The following AHR variants were observed in gnomAD, a reference collection of about 807,000 sequenced individuals.
AHR encodes the protein aryl hydrocarbon receptor, also known as AH-receptor.
A neutral mutation model predicts 86.8 loss-of-function variants in AHR; 40 were observed. The observed-to-expected ratio is 0.46, with a 90% CI of 0.36 to 0.60. The LOEUF (loss-of-function observed/expected upper bound fraction) is 0.60, where lower values mean the gene tolerates loss of function less well. AHR is among the 20% of genes least tolerant of loss of function. The pLI, the probability that AHR is intolerant of heterozygous loss-of-function variation, is 0.00. For synonymous variants in AHR, 398 were observed against 354.9 expected (o/e 1.12, Z -1.37); for missense variants, 1,001 against 1,011.6 (o/e 0.99, Z 0.14).
At chr7:17,337,854 CCTCT>C (rs906485804) in intron 9 of AHR, among the ~76,000 whole-genome samples, 1 of 151,896 alleles carries the variant, frequency 6.6e-6, no homozygotes, top group Non-Finnish European at 1.5e-5. Flanking sequence ...GAGTTGTTTG[CCTCT>C]CTCTCAGACT....
At chr7:17,313,129 AG>A (rs1432550578) in intron 2 of AHR, among the ~76,000 whole-genome samples, 1 of 152,112 alleles carries the variant, frequency 6.6e-6, no homozygotes, top group Non-Finnish European at 1.5e-5. Flanking sequence ...GAAAATAATA[AG>A]GTTTTTTTTT....
At chr7:17,308,961 A>T (rs1782034056) in intron 1 of AHR, among the ~76,000 whole-genome samples, 1 of 152,170 alleles carries the variant, frequency 6.6e-6, no homozygotes, top group Admixed American at 6.5e-5. Context: ...CTAGATAATT[A>T]CTCTTCTGGC....
chr7:17,319,609 A>C (rs1782149415), intron 2 of AHR, among the ~76,000 whole-genome samples: 1 of 152,134 alleles, frequency 6.6e-6, no homozygotes, highest in Admixed American at 6.6e-5. Flanking sequence ...ACATATGAGT[A>C]CTAAGTAAGG....
At chr7:17,304,816 A>C (rs1781988886) in intron 1 of AHR, among the ~76,000 whole-genome samples, 1 of 152,146 alleles carries the variant, frequency 6.6e-6, no homozygotes, top group Non-Finnish European at 1.5e-5. Flanking sequence ...GAGATGTACT[A>C]ATTTAACAAT....
intron 2 of AHR, among the ~76,000 whole-genome samples, chr7:17,320,843 C>T (rs555731778): frequency 6.6e-6 from 1 of 152,184 alleles, no homozygotes; most frequent in African/African-American, 2.4e-5. Context: ...GTTCTCTGGC[C>T]TTTTGAAGTT....
At position 17,345,435 on chromosome 7, in the gene AHR, T is replaced by C. The variant is rs1222675321; in HGVS notation, c.*2371T>C. ...ATTTTCAGTCAAAACTTTAAACCTGTAGAATCAATTTAAGTGTTGGAAAAA... is the reference window on the plus strand; with the variant it reads ...ATTTTCAGTCAAAACTTTAAACCTGCAGAATCAATTTAAGTGTTGGAAAAA... On this transcript the variant is annotated 3_prime_UTR_variant, in exon 11 of 11. Coordinates refer to ENST00000242057, the MANE Select transcript of AHR (RefSeq NM_001621.5). 1.3e-5 allele frequency: 2 copies of C among 152,648 alleles called. No homozygotes were observed. Among genetic ancestry groups the C allele is most frequent in the African/African-American group, 4.8e-5 (2 of 41,452 alleles). 9.5% of individuals were successfully genotyped at this position (152,648 alleles called of 1,614,324 possible).
intron 4 of AHR, among the ~76,000 whole-genome samples, chr7:17,328,942 A>G (rs553417003): frequency 1.3e-5 from 2 of 152,102 alleles, no homozygotes; most frequent in South Asian, 4.1e-4. Flanking sequence ...TGCATTCTAA[A>G]GAAAATACAT....
intron 9 of AHR, among the ~76,000 whole-genome samples, chr7:17,338,268 GC>G: frequency 1.7e-5 from 1 of 60,286 alleles, no homozygotes; most frequent in Admixed American, 1.3e-4. Context: ...ATATTATTAT[GC>G]CAATCTGTCT....
intron 1 of AHR, among the ~76,000 whole-genome samples, chr7:17,307,444 A>C (rs191378472): frequency 2.6e-5 from 4 of 152,176 alleles, no homozygotes; most frequent in Non-Finnish European, 5.9e-5. Flanking sequence ...AAAGTGATCT[A>C]CTTGAGCGGG....
rs777839731 is a variant in AHR at position 17,329,965 on chromosome 7, A to G, written c.464A>G (p.His155Arg). The stretch of plus-strand genomic sequence containing the variant: ...TTTTTTCTTTAGTCTGATGTCATAC[A>G]TCAGAGTGTATATGAACTTATCCAT... ...YLGFQQSDVI[H>R]QSVYELIHTE... Residue 155 changes from histidine (H) to arginine (R), a missense_variant, in exon 5 of 11, where the codon CAT (histidine) becomes CGT (arginine). By Grantham distance (29) the His-to-Arg change is conservative. Transcript: ENST00000242057. 11 of 1,609,566 alleles carry G rather than the reference A, an allele frequency of 6.8e-6. No homozygotes were observed. Among genetic ancestry groups the G allele is most frequent in the African/African-American group, 2.7e-5 (2 of 74,864 alleles).
intron 1 of AHR, among the ~76,000 whole-genome samples, chr7:17,301,830 G>A (rs890939051): frequency 2.6e-5 from 4 of 151,854 alleles, no homozygotes; most frequent in African/African-American, 9.7e-5. Context: ...GGAAATTAAA[G>A]GCTCTGAAGC....
At position 17,339,829 on chromosome 7, in the gene AHR, C is replaced by G. The variant is rs1318083010; in HGVS notation, c.2004C>G (p.Asp668Glu). Residue 668 changes from aspartate to glutamate, a missense_variant, in exon 10 of 11, where the codon GAC (aspartate) becomes GAG (glutamate). Asp to Glu is a conservative substitution (Grantham distance 45). This residue lies in a region of AHR where 607 missense variants were observed against 543.1 expected (regional missense o/e 1.12). Coordinates refer to ENST00000242057, the MANE Select transcript of AHR (RefSeq NM_001621.5). ...QFVPFNCPQQDPQQYNVFTDL... is the reference protein window; with the variant it reads ...QFVPFNCPQQEPQQYNVFTDL... The stretch of plus-strand genomic sequence containing the variant: ...TGCCTTTCAATTGTCCACAGCAAGA[C>G]CCACAACAATATAATGTCTTTACAG... 2 of 1,614,188 alleles carry G rather than the reference C, an allele frequency of 1.2e-6. No individual in the cohort carries two copies. The highest frequency in any genetic ancestry group is 2.2e-5 in the East Asian group (1 of 44,884).
intron 1 of AHR, among the ~76,000 whole-genome samples, chr7:17,304,606 GACCCGA>G (rs1781987170): frequency 6.6e-6 from 1 of 152,056 alleles, no homozygotes; most frequent in African/African-American, 2.4e-5. Context: ...CTGTATTTAA[GACCCGA>G]TTTAGATGCC....
intron 10 of AHR, 27 bp downstream of exon 10, chr7:17,340,255 A>G (rs781668709): frequency 6.4e-7 from 1 of 1,555,206 alleles, no homozygotes. Flanking sequence ...ACTGAATTAA[A>G]TCTTTCAGTG....
At chr7:17,338,065 A>G (rs906215413) in intron 9 of AHR, among the ~76,000 whole-genome samples, 147 of 151,248 alleles carry the variant, frequency 9.7e-4, no homozygotes, top group Non-Finnish European at 1.5e-3. Context: ...CGGGCGTTGT[A>G]GCGGGCGCCT....
intron 10 of AHR, among the ~76,000 whole-genome samples, chr7:17,341,189 A>G (rs1383744539): frequency 1.3e-5 from 2 of 152,178 alleles, no homozygotes; most frequent in African/African-American, 4.8e-5. Context: ...TATGACCTGA[A>G]GCTTTATCTT....
intron 7 of AHR, among the ~76,000 whole-genome samples, 153 bp downstream of exon 7, chr7:17,334,267 ATAATT>A (rs1782332038): frequency 6.6e-6 from 1 of 152,104 alleles, no homozygotes; most frequent in South Asian, 2.1e-4. Flanking sequence ...TTACAGTAAA[ATAATT>A]TAATCAGGCT....
chr7:17,317,872 T>A (rs1251989566), intron 2 of AHR, among the ~76,000 whole-genome samples: 1 of 152,168 alleles, frequency 6.6e-6, no homozygotes, highest in East Asian at 1.9e-4. Context: ...CATTCCCCAC[T>A]GAAAAGGTCA....
chr7:17,307,595 G>T (rs1782018594), intron 1 of AHR, among the ~76,000 whole-genome samples: 1 of 152,168 alleles, frequency 6.6e-6, no homozygotes, highest in African/African-American at 2.4e-5. Context: ...AGGGGTAAAT[G>T]AAGCTAGAAA....
Sources: allele counts gnomAD v4.1 joint callset (sites outside exome capture counted in the v4.1 genomes callset), GRCh38; gene constraint gnomAD v4.1.1; regional missense constraint gnomAD v4.1.1; transcripts MANE v1.5; gene names NCBI Gene and HGNC (gene_info 2026-07-23, HGNC 2026-07-21).